Variants in RARA observed in about 807,000 individuals in gnomAD.
RARA encodes the protein retinoic acid receptor alpha.
Under a neutral mutation model 42.8 loss-of-function variants are expected in RARA, and 5 were observed. The ratio of observed to expected loss-of-function variants is 0.12; its 90% CI spans 0.06 to 0.25. RARA has a LOEUF of 0.25. Ranked by LOEUF, RARA falls within the 10% of genes least tolerant of loss-of-function variation. The pLI, the probability that RARA is intolerant of heterozygous loss-of-function variation, is 1.00. For missense variants in RARA, 402 were observed against 628.7 expected (o/e 0.64, Z 3.86); for synonymous variants, 256 against 259.5 (o/e 0.99, Z 0.13).
intron 3 of RARA, 172 bp from the exon 4 acceptor site, chr17:40,349,612 A>T: frequency 1.3e-6 from 1 of 745,554 alleles, no homozygotes; most frequent in Non-Finnish European, 2.1e-6. Flanking sequence ...CCTGAGGAGG[A>T]TCCTTTTAGG....
chr17:40,336,695 A>AT (rs916913888), intron 2 of RARA, among the ~76,000 whole-genome samples: 1 of 144,432 alleles, frequency 6.9e-6, no homozygotes, highest in African/African-American at 2.6e-5. Context: ...GCTTGTTGTT[A>AT]TTTTTTTGTT....
chr17:40,349,001 C>T (rs1668062477), intron 3 of RARA: 1 of 155,120 alleles, frequency 6.4e-6, no homozygotes, highest in Admixed American at 6.5e-5. Context: ...CCGGCTTCTC[C>T]TCCTTTCCCT....
chr17:40,348,583 T>C (rs2034343122), intron 3 of RARA, 119 bp downstream of exon 3: 1 of 1,341,348 alleles, frequency 7.5e-7, no homozygotes, highest in Non-Finnish European at 9.9e-7. Flanking sequence ...CTTCTTTCTC[T>C]GTGGAAGTTG....
chr17:40,330,082 G>T (rs1019781059), intron 1 of RARA, among the ~76,000 whole-genome samples: 3 of 151,726 alleles, frequency 2.0e-5, no homozygotes, highest in Admixed American at 1.3e-4. Context: ...GGTGAAGGGG[G>T]CATCTGGCCT....
At chr17:40,323,579 C>T (rs9904270) in intron 1 of RARA, among the ~76,000 whole-genome samples, 17,667 of 151,742 alleles carry the variant, frequency 0.12, 1,233 homozygotes, top group East Asian at 0.36. Context: ...GTCTGGCAGG[C>T]GCTCTTCTCT....
At chr17:40,342,886 G>A in intron 2 of RARA, 1 of 1,604,290 alleles carries the variant, frequency 6.2e-7, no homozygotes, top group Non-Finnish European at 8.5e-7. Context: ...CGGCCTCTCA[G>A]TCTGCTGTTG....
chr17:40,357,517 C>CCT lies in RARA; in HGVS notation c.*1291_*1292insCT, dbSNP rs2034684981. The CCT allele has an allele frequency of 8.7e-6, 2 of 230,446 alleles. No homozygotes were observed. The highest frequency in any genetic ancestry group is 1.7e-5 in the Non-Finnish European group (2 of 116,624). 14.3% of individuals were successfully genotyped at this position (230,446 alleles called of 1,614,324 possible). On this transcript the variant is annotated 3_prime_UTR_variant, in exon 9 of 9. Transcript: ENST00000254066. ...ACCCCTGCACCCCCAGCTGGGGGAGCTGGCTCTGCCCCGACCTCCTTCACC... is the reference window on the plus strand; with the variant it reads ...ACCCCTGCACCCCCAGCTGGGGGAGCCTTGGCTCTGCCCCGACCTCCTTCACC...
At chr17:40,334,461 C>G (rs1314577045) in intron 2 of RARA, among the ~76,000 whole-genome samples, 1 of 152,238 alleles carries the variant, frequency 6.6e-6, no homozygotes, top group Non-Finnish European at 1.5e-5. Flanking sequence ...CTGAGGGAGC[C>G]TGGCATCTCC....
At chr17:40,337,750 G>A (rs2033896650) in intron 2 of RARA, among the ~76,000 whole-genome samples, 1 of 152,268 alleles carries the variant, frequency 6.6e-6, no homozygotes, top group Non-Finnish European at 1.5e-5. Flanking sequence ...ATGCCCGAGG[G>A]TCTGGGTGAG....
chr17:40,352,166 T>C lies in RARA; in HGVS notation c.630+96T>C, dbSNP rs2034478374. On this transcript the variant is annotated intron_variant, in intron 5 of 8. Coordinates refer to ENST00000254066, the MANE Select transcript of RARA (RefSeq NM_000964.4). The surrounding 1 kb of genome is among the most constrained non-coding windows in gnomAD (Gnocchi z 4.9). ...GCACCCCTTCTTGTGCCAGGCAAGA[T>C]CTCTGCGTCCTTCCCTTCCCCTCTC... 1 of 1,471,766 alleles carries C rather than the reference T, an allele frequency of 6.8e-7. No individual in the cohort carries two copies. Among genetic ancestry groups the C allele is most frequent in the Non-Finnish European group, 9.0e-7 (1 of 1,116,496 alleles). 91.2% of individuals were successfully genotyped at this position (1,471,766 alleles called of 1,614,324 possible). A position where few individuals can be genotyped will look rare whatever the true frequency, so the allele number is the denominator to read the frequency against.
Position 40,357,411 on chromosome 17 carries a change from C to G in RARA, c.*1185C>G, listed in dbSNP as rs1164358142. 4.3e-6 allele frequency: 1 copy of G among 233,580 alleles called. No homozygotes were observed. The highest frequency in any genetic ancestry group is 8.4e-6 in the Non-Finnish European group (1 of 118,486). The allele number at this position is 233,580 out of a possible 1,614,324, so 14.5% of individuals were successfully genotyped here. On this transcript the variant is annotated 3_prime_UTR_variant, in exon 9 of 9. Transcript: ENST00000254066. The stretch of plus-strand genomic sequence containing the variant: ...GGCCCGAGTTCCTCCATTTCCCTGG[C>G]CTGCCCCCCACCCCCAACCTGTCCC...
chr17:40,352,091 G>A lies in RARA; in HGVS notation c.630+21G>A, dbSNP rs775527211. On this transcript the variant is annotated intron_variant, in intron 5 of 8. Coordinates refer to ENST00000254066, the MANE Select transcript of RARA (RefSeq NM_000964.4). The surrounding 1 kb of genome is among the most constrained non-coding windows in gnomAD (Gnocchi z 4.9). ...CTACGGTATGGCTTTCCCCCGGCCT[G>A]CAGGGTGGGATTTGCCCAGGGCCAC... 2 of 1,539,242 alleles carry A rather than the reference G, an allele frequency of 1.3e-6. No homozygotes were observed. Among genetic ancestry groups the A allele is most frequent in the Non-Finnish European group, 8.7e-7 (1 of 1,149,430 alleles).
At chr17:40,341,542 C>G (rs1040596722) in intron 2 of RARA, 3 of 1,445,040 alleles carry the variant, frequency 2.1e-6, no homozygotes. Context: ...GGAGGTGGCC[C>G]GGTTCGGCCG....
intron 1 of RARA, among the ~76,000 whole-genome samples, chr17:40,324,746 C>T (rs750921426): frequency 8.5e-5 from 13 of 152,280 alleles, no homozygotes; most frequent in South Asian, 2.1e-4. Context: ...TGGTAGCACC[C>T]GGAAGTGAGA....
Position 40,357,237 on chromosome 17 carries a change from T to C in RARA, c.*1011T>C, listed in dbSNP as rs2034664498. The C allele has an allele frequency of 8.4e-6, 2 of 238,180 alleles. No homozygotes were observed. The highest frequency in any genetic ancestry group is 1.2e-4 in the East Asian group (2 of 16,600). 14.8% of individuals were successfully genotyped at this position (238,180 alleles called of 1,614,324 possible). On this transcript the variant is annotated 3_prime_UTR_variant, in exon 9 of 9. Coordinates refer to ENST00000254066, the MANE Select transcript of RARA (RefSeq NM_000964.4). ...ATCATCTAGGCTCCCCAGCCCCCAC[T>C]GTGAAGGGGCTGGCCAGGGGCCCGA... is the stretch of plus-strand genomic sequence containing the variant.
At position 40,354,562 on chromosome 17, in the gene RARA, G is replaced by C; in HGVS notation, c.1012+56G>C. 3.8e-6 allele frequency: 6 copies of C among 1,576,462 alleles called. No homozygotes were observed. The highest frequency in any genetic ancestry group is 5.2e-6 in the Non-Finnish European group (6 of 1,156,586). On this transcript the variant is annotated intron_variant, in intron 7 of 8. Transcript: ENST00000254066. This position sits in a 1 kb window ranked among gnomAD's most constrained non-coding sequence, Gnocchi z 4.5. ...GCTGGGACGGGGGTGCAGCCCTGGA[G>C]TCTCTTCCAGGGAGCTCTTTCAGGC...
intron 1 of RARA, among the ~76,000 whole-genome samples, chr17:40,314,367 G>T (rs951375985): frequency 6.6e-6 from 1 of 152,116 alleles, no homozygotes; most frequent in Non-Finnish European, 1.5e-5. Flanking sequence ...GAGGGGAGAG[G>T]GTGAGAGGGG....
chr17:40,328,885 G>A (rs1246772127), intron 1 of RARA, among the ~76,000 whole-genome samples: 11 of 152,170 alleles, frequency 7.2e-5, no homozygotes, highest in Non-Finnish European at 1.6e-4. Flanking sequence ...TCATGTATAA[G>A]TCTTTCTGTG....
Position 40,326,969 on chromosome 17 carries a change from C to T in RARA, c.-362-3888C>T, listed in dbSNP as rs2143243761. ...TTGGCCTATTTCTGTGACCTTTAGC[C>T]CTCCTGCGGCTCAAGGCCCTCCCCA... On this transcript the variant is annotated intron_variant, in intron 1 of 8. Transcript: ENST00000254066. This position sits in a 1 kb window ranked among gnomAD's most constrained non-coding sequence, Gnocchi z 5.2. Among the ~76,000 whole-genome samples the T allele has an allele frequency of 6.6e-6, 1 of 152,244 alleles. No individual in the cohort carries two copies. The highest frequency in any genetic ancestry group is 2.1e-4 in the South Asian group (1 of 4,832).
Sources: allele counts gnomAD v4.1 joint callset (sites outside exome capture counted in the v4.1 genomes callset), GRCh38; gene constraint gnomAD v4.1.1; non-coding constraint Gnocchi (gnomAD v3.1); transcripts MANE v1.5; gene names NCBI Gene and HGNC (gene_info 2026-07-23, HGNC 2026-07-21).